KDM4B: variants seen among roughly 807,000 people sequenced by gnomAD.
KDM4B encodes lysine demethylase 4B.
A neutral mutation model predicts 125.2 loss-of-function variants in KDM4B; 32 were observed. The ratio of observed to expected loss-of-function variants is 0.26; its 90% CI spans 0.19 to 0.34. KDM4B has a LOEUF of 0.34. Among genes scored for constraint, KDM4B ranks in the 10% least tolerant of loss-of-function variants. KDM4B has a pLI of 1.00. For synonymous variants in KDM4B, 721 were observed against 677.9 expected (o/e 1.06, Z -0.99); for missense variants, 1,190 against 1,577.7 (o/e 0.75, Z 4.16).
chr19:5,056,292 GTCACCCGGCTTGGGTGTGGATGTCC>G (rs1308297391), intron 6 of KDM4B, among the ~76,000 whole-genome samples: 1 of 152,182 alleles, frequency 6.6e-6, no homozygotes, highest in Non-Finnish European at 1.5e-5. Flanking sequence ...GTTGGCCCTG[GTCACCCGGCTTGGGTGTGGATGTCC>G]AGTGTCTCCA....
chr19:5,035,908 G>A lies in KDM4B; in HGVS notation c.141+2877G>A, dbSNP rs1440937226. On this transcript the variant is annotated intron_variant, in intron 3 of 22. Coordinates refer to ENST00000159111, the MANE Select transcript of KDM4B (RefSeq NM_015015.3). This position sits in a 1 kb window ranked among gnomAD's most constrained non-coding sequence, Gnocchi z 5.3. ...GCGCGCGCGCGCGCCTGCGCGCACA[G>A]GAGACTGAGGTGGGGAGGCAGCTCT... is the stretch of plus-strand genomic sequence containing the variant. 7.5e-6 allele frequency among the ~76,000 whole-genome samples: 1 copy of A among 133,800 alleles called. No homozygotes were observed. The highest frequency in any genetic ancestry group is 1.6e-5 in the Non-Finnish European group (1 of 61,254). 87.8% of individuals were successfully genotyped at this position (133,800 alleles called of 152,430 possible).
At chr19:4,983,110 G>A (rs888774098) in intron 1 of KDM4B, among the ~76,000 whole-genome samples, 1 of 151,340 alleles carries the variant, frequency 6.6e-6, no homozygotes, top group Non-Finnish European at 1.5e-5. Context: ...CTGTTGGTGA[G>A]ATGTTTCACA....
chr19:5,010,940 A>G (rs542532318), intron 1 of KDM4B, among the ~76,000 whole-genome samples: 1 of 152,276 alleles, frequency 6.6e-6, no homozygotes, highest in South Asian at 2.1e-4. Context: ...GAGCCACTGC[A>G]CCTGGCGCTC....
At chr19:5,113,765 G>C (rs968868939) in intron 10 of KDM4B, 2 of 421,634 alleles carry the variant, frequency 4.7e-6, no homozygotes, top group African/African-American at 2.1e-5. Context: ...AGTCCCCCGC[G>C]TGGGAACCCC....
intron 13 of KDM4B, 40 bp downstream of exon 13, chr19:5,132,047 C>T: frequency 6.5e-7 from 1 of 1,543,986 alleles, no homozygotes; most frequent in Non-Finnish European, 8.7e-7. Flanking sequence ...ATCAGCCCTG[C>T]TCCGCGCTCT....
intron 6 of KDM4B, among the ~76,000 whole-genome samples, chr19:5,056,776 G>A (rs775390109): frequency 2.0e-4 from 31 of 152,098 alleles, no homozygotes; most frequent in African/African-American, 4.1e-4. Flanking sequence ...GCAGCAGCAC[G>A]GGGCATGTGT....
rs1376304689 is a variant in KDM4B, at chr19:5,150,456, T to C, written c.3114+6T>C. 1.3e-6 allele frequency: 2 copies of C among 1,546,062 alleles called. No individual in the cohort carries two copies. The highest frequency in any genetic ancestry group is 8.7e-7 in the Non-Finnish European group (1 of 1,144,158). ...AGAGGGTCCGCTCTCGGCTGGTGAGTGCGCGAGGCTGGCCTGGTGGCTCCG... is the reference window on the plus strand; with the variant it reads ...AGAGGGTCCGCTCTCGGCTGGTGAGCGCGCGAGGCTGGCCTGGTGGCTCCG... On this transcript the variant is annotated splice_donor_region_variant and intron_variant, in intron 22 of 22. Transcript: ENST00000159111.
At chr19:4,970,324 G>A (rs1279168099) in intron 1 of KDM4B, among the ~76,000 whole-genome samples, 3 of 152,240 alleles carry the variant, frequency 2.0e-5, no homozygotes, top group Non-Finnish European at 2.9e-5. Context: ...AGTGTTCCCC[G>A]AGTTGTGAAA....
At chr19:5,101,865 C>T (rs1362681449) in intron 9 of KDM4B, among the ~76,000 whole-genome samples, 1 of 152,198 alleles carries the variant, frequency 6.6e-6, no homozygotes, top group Non-Finnish European at 1.5e-5. Flanking sequence ...GGGAGTAGCC[C>T]TCCAGCCTCC....
At position 5,119,894 on chromosome 19, in the gene KDM4B, AC is replaced by A. The variant is rs768406737; in HGVS notation, c.1315+47del. On this transcript the variant is annotated intron_variant, in intron 11 of 22. Transcript: ENST00000159111. ...CCAGGCCTGGCACCGCTGTTTTCCC[AC>A]CCCCGTGGGCATCTCCTAGAAGGAA... The A allele has an allele frequency of 5.2e-6, 8 of 1,538,128 alleles. No individual in the cohort carries two copies. The South Asian group carries it at 9.6e-5, about 18-fold the overall frequency.
intron 11 of KDM4B, among the ~76,000 whole-genome samples, chr19:5,127,902 C>A (rs1372067245): frequency 6.6e-6 from 1 of 152,106 alleles, no homozygotes; most frequent in Non-Finnish European, 1.5e-5. Context: ...AGGATGCCAG[C>A]CCCTTAGAGA....
intron 1 of KDM4B, among the ~76,000 whole-genome samples, chr19:4,995,795 G>A (rs2035181191): frequency 6.6e-6 from 1 of 152,046 alleles, no homozygotes; most frequent in Non-Finnish European, 1.5e-5. Flanking sequence ...GGATATGTAA[G>A]TATGGTTGGC....
At chr19:5,146,034 T>C (rs957500041) in intron 21 of KDM4B, among the ~76,000 whole-genome samples, 1 of 151,056 alleles carries the variant, frequency 6.6e-6, no homozygotes, top group African/African-American at 2.4e-5. Context: ...GGACCACCCC[T>C]ACCCCCCGCC....
In KDM4B at chr19:5,033,078, G is replaced by A. The variant is rs569682561; in HGVS notation, c.141+47G>A. ...GCGCGGCCCTCCATCAGCCTGCGCC[G>A]CGGGCCTGCGGACATCCTGGGTCCC... On this transcript the variant is annotated intron_variant, in intron 3 of 22. Coordinates refer to ENST00000159111, the MANE Select transcript of KDM4B (RefSeq NM_015015.3). 18 of 1,591,748 alleles carry A rather than the reference G, an allele frequency of 1.1e-5. No homozygotes were observed. In the Middle Eastern group the frequency reaches 5.7e-4, roughly 51 times the overall value.
intron 2 of KDM4B, 142 bp from the exon 3 acceptor site, chr19:5,032,724 T>G: frequency 1.5e-6 from 1 of 683,570 alleles, no homozygotes; most frequent in Non-Finnish European, 2.4e-6. Context: ...TCTTCTGCCC[T>G]CACTCAGCCG....
chr19:5,096,268 A>T (rs913182412), intron 9 of KDM4B, among the ~76,000 whole-genome samples: 48 of 152,026 alleles, frequency 3.2e-4, no homozygotes, highest in Admixed American at 2.9e-3. Flanking sequence ...TATTTTTAGT[A>T]GAGGTGGGGT....
Position 5,054,984 on chromosome 19 carries a change from A to G in KDM4B, c.626+7315A>G, listed in dbSNP as rs552156519. On this transcript the variant is annotated intron_variant, in intron 6 of 22. Coordinates refer to ENST00000159111, the MANE Select transcript of KDM4B (RefSeq NM_015015.3). ...CAAAAAATTAACTCGTGATGCTGCA[A>G]AGACCTTTGAGCCTCACACTGGGGC... Among the ~76,000 whole-genome samples, 14 of 152,310 alleles carry G rather than the reference A, an allele frequency of 9.2e-5. No individual in the cohort carries two copies. In the East Asian group the frequency reaches 2.7e-3, roughly 29 times the overall value.
At chr19:5,026,955 G>A (rs548228732) in intron 2 of KDM4B, among the ~76,000 whole-genome samples, 1 of 152,258 alleles carries the variant, frequency 6.6e-6, no homozygotes, top group East Asian at 1.9e-4. Flanking sequence ...GGGCCCGAGG[G>A]TCCCAGTTGT....
At chr19:5,113,186 C>T (rs1419486857) in intron 10 of KDM4B, 1 of 152,206 alleles carries the variant, frequency 6.6e-6, no homozygotes, top group Non-Finnish European at 1.5e-5. Context: ...TCACGACCTG[C>T]TCCTCCCAGG....
Sources: allele counts gnomAD v4.1 joint callset (sites outside exome capture counted in the v4.1 genomes callset), GRCh38; gene constraint gnomAD v4.1.1; non-coding constraint Gnocchi (gnomAD v3.1); transcripts MANE v1.5; gene names NCBI Gene and HGNC (gene_info 2026-07-23, HGNC 2026-07-21).